ZNF519: variants seen among roughly 807,000 people sequenced by gnomAD.
ZNF519 encodes similar to Zinc finger protein 85 (Zinc finger protein HPF4) (HTF1).
Under a neutral mutation model 7.4 loss-of-function variants are expected in ZNF519, and 7 were observed. The observed-to-expected ratio is 0.94, with a 90% CI of 0.54 to 1.77. The LOEUF (loss-of-function observed/expected upper bound fraction) is 1.77. Ranked by LOEUF, ZNF519 falls within the 40% of genes most tolerant of loss-of-function variation. The probability of loss-of-function intolerance (pLI) is 0.00; values close to 1 mark genes in which losing one functional copy is unlikely to be tolerated. For missense variants in ZNF519, 586 were observed against 623.1 expected (o/e 0.94, Z 0.63); for synonymous variants, 179 against 203.3 (o/e 0.88, Z 1.02).
chr18:14,101,802 G>C lies in ZNF519; in HGVS notation c.*3115C>G, dbSNP rs1379174511. On this transcript the variant is annotated 3_prime_UTR_variant, in exon 3 of 3. Transcript: ENST00000590202. ...CAAAGACAAACCAGCAGTTAATCTTGCACGCAACAGAGCCCTGCTTGGCTG... is the reference window on the plus strand; with the variant it reads ...CAAAGACAAACCAGCAGTTAATCTTCCACGCAACAGAGCCCTGCTTGGCTG... 2 of 398,410 alleles carry C rather than the reference G, an allele frequency of 5.0e-6. No homozygotes were observed. The highest frequency in any genetic ancestry group is 4.4e-6 in the Non-Finnish European group (1 of 226,046). 24.7% of individuals were successfully genotyped at this position (398,410 alleles called of 1,614,324 possible). A position where few individuals can be genotyped will look rare whatever the true frequency, so the allele number is the denominator to read the frequency against.
rs200208712 is a variant in ZNF519 at position 14,094,416 on chromosome 18, T to G, written c.131-9340A>C. Among the ~76,000 whole-genome samples, 3 of 152,296 alleles carry G rather than the reference T, an allele frequency of 2.0e-5. No individual in the cohort carries two copies. The East Asian group carries it at 5.8e-4, about 29-fold the overall frequency. On this transcript the variant is annotated intron_variant and NMD_transcript_variant, in intron 2 of 4. Coordinates refer to the ZNF519 transcript ENST00000587419. ...TTTTCAGTATAACATTAGCATTGAG[T>G]GCTACATACGGCCTTTATTATGTTA...
At chr18:14,083,634 G>A (rs764773545) in intron 3 of ZNF519, among the ~76,000 whole-genome samples, 3 of 151,994 alleles carry the variant, frequency 2.0e-5, no homozygotes, top group Non-Finnish European at 4.4e-5. Context: ...ACAGGGCCAG[G>A]TGCAGAGGCT....
At chr18:14,123,705 G>C (rs1192477025) in intron 2 of ZNF519, among the ~76,000 whole-genome samples, 1 of 151,926 alleles carries the variant, frequency 6.6e-6, no homozygotes, top group Non-Finnish European at 1.5e-5. Flanking sequence ...GACAAAGCAA[G>C]ACTCCGTTTG....
In ZNF519 at chr18:14,124,365, T is replaced by A; in HGVS notation, c.115A>T (p.Asn39Tyr). Residue 39 changes from asparagine (N) to tyrosine (Y), a missense_variant, in exon 2 of 3, where the codon AAC (asparagine) becomes TAC (tyrosine). Transcript: ENST00000590202. The part of the protein sequence containing the change: ...YRDVMLENYR[N>Y]LVSLAVYSYY... ...TTATTCTCACCCAGGGAGACGAGGTTTCTGTAGTTCTCCAACATCACATCT... is the reference window on the plus strand; with the variant it reads ...TTATTCTCACCCAGGGAGACGAGGTATCTGTAGTTCTCCAACATCACATCT... The A allele has an allele frequency of 6.2e-7, 1 of 1,607,128 alleles. No homozygotes were observed. Among genetic ancestry groups the A allele is most frequent in the South Asian group, 1.1e-5 (1 of 89,480 alleles).
In ZNF519 at chr18:14,105,282, T is replaced by G; in HGVS notation, c.1258A>C (p.Thr420Pro). ...GKAFNRASHL[T>P]QHQRIHTGEK... ...CCAGTATGGATTCTCTGATGTTGAG[T>G]AAGGTGTGAAGCTCTGTTAAAAGCT... The change falls in exon 3 of 3, where the codon ACT becomes CCT. Residue 420 changes from threonine (T) to proline (P), a missense_variant. Thr to Pro is a conservative substitution (Grantham distance 38). Coordinates refer to ENST00000590202, the MANE Select transcript of ZNF519 (RefSeq NM_145287.4). 3 of 1,613,636 alleles carry G rather than the reference T, an allele frequency of 1.9e-6. No individual in the cohort carries two copies. Among genetic ancestry groups the G allele is most frequent in the Non-Finnish European group, 2.5e-6 (3 of 1,179,744 alleles).
chr18:14,094,849 T>G (rs576437063), intron 2 of ZNF519, among the ~76,000 whole-genome samples: 3 of 152,338 alleles, frequency 2.0e-5, no homozygotes, highest in African/African-American at 7.2e-5. Context: ...GATGCATTTT[T>G]ATTTTGTTCA....
In ZNF519 at chr18:14,079,772, T is replaced by C. The variant is rs545938305; in HGVS notation, c.*178-1474A>G. On this transcript the variant is annotated intron_variant and NMD_transcript_variant, in intron 3 of 4. Coordinates refer to the ZNF519 transcript ENST00000587419. ...ATGAACACAAAATAGATTACAAGTCTAAATGTAAAACACAAAACTCTAAAA... is the reference window on the plus strand; with the variant it reads ...ATGAACACAAAATAGATTACAAGTCCAAATGTAAAACACAAAACTCTAAAA... Among the ~76,000 whole-genome samples the C allele has an allele frequency of 5.3e-5, 8 of 152,276 alleles. No homozygotes were observed. In the East Asian group the frequency reaches 1.5e-3, roughly 29 times the overall value.
chr18:14,109,997 A>G (rs2046212504), intron 2 of ZNF519, among the ~76,000 whole-genome samples: 1 of 152,200 alleles, frequency 6.6e-6, no homozygotes, highest in African/African-American at 2.4e-5. Context: ...AGACACATAG[A>G]CCAATGAAGC....
At chr18:14,124,929 G>T (rs1170665307) in intron 1 of ZNF519, among the ~76,000 whole-genome samples, 1 of 152,146 alleles carries the variant, frequency 6.6e-6, no homozygotes, top group African/African-American at 2.4e-5. Flanking sequence ...CCTATTGAAA[G>T]ACTGCACTGA....
intron 2 of ZNF519, among the ~76,000 whole-genome samples, chr18:14,115,907 G>A (rs960620882): frequency 2.0e-5 from 3 of 152,142 alleles, no homozygotes; most frequent in Non-Finnish European, 4.4e-5. Flanking sequence ...TGGAGAAAAT[G>A]GGTAGTTGTT....
rs528387120 is a variant in ZNF519, at chr18:14,093,245, A to C, written c.131-8169T>G. Among the ~76,000 whole-genome samples, 42 of 152,260 alleles carry C rather than the reference A, an allele frequency of 2.8e-4. No homozygotes were observed. The South Asian group carries it at 7.3e-3, about 26-fold the overall frequency. ...CTCACTTACACTGACCAACCCTTTG[A>C]AAGTTTCTACTTTCCTGAGTCTACT... On this transcript the variant is annotated intron_variant and NMD_transcript_variant, in intron 2 of 4. Coordinates refer to the ZNF519 transcript ENST00000587419.
chr18:14,112,031 A>G (rs371594129), intron 2 of ZNF519, among the ~76,000 whole-genome samples: 1 of 152,192 alleles, frequency 6.6e-6, no homozygotes, highest in African/African-American at 2.4e-5. Context: ...GGCAAGTAAA[A>G]TTCAGCAACA....
intron 2 of ZNF519, among the ~76,000 whole-genome samples, chr18:14,108,736 T>C (rs139097904): frequency 1.3e-5 from 2 of 152,250 alleles, no homozygotes; most frequent in Admixed American, 6.5e-5. Context: ...GTAGTAGCTA[T>C]ACTTATATCA....
chr18:14,130,585 A>G (rs372554709), intron 1 of ZNF519, among the ~76,000 whole-genome samples: 1 of 149,182 alleles, frequency 6.7e-6, no homozygotes, highest in Non-Finnish European at 1.5e-5. Context: ...GGGACTTTCT[A>G]TCACCCCCAT....
intron 3 of ZNF519, among the ~76,000 whole-genome samples, chr18:14,083,884 G>A (rs186887324): frequency 6.6e-6 from 1 of 152,226 alleles, no homozygotes; most frequent in East Asian, 1.9e-4. Flanking sequence ...CATCCACTGG[G>A]AGCAGACAAT....
chr18:14,081,367 G>A (rs1163019894), intron 3 of ZNF519, among the ~76,000 whole-genome samples: 2 of 152,088 alleles, frequency 1.3e-5, no homozygotes, highest in African/African-American at 4.8e-5. Context: ...GCATATTTAG[G>A]AAGGTAAAAG....
intron 2 of ZNF519, among the ~76,000 whole-genome samples, chr18:14,123,492 G>C (rs1319514968): frequency 6.6e-6 from 1 of 152,162 alleles, no homozygotes; most frequent in Non-Finnish European, 1.5e-5. Flanking sequence ...GCCGAGGCAG[G>C]AGGACTGCCT....
At chr18:14,085,021 T>C (rs2046084538) in exon 3 of ZNF519, 1 of 152,152 alleles carries the variant, frequency 6.6e-6, no homozygotes, top group African/African-American at 2.4e-5. Context: ...TCATTCAGGC[T>C]GCACCATCCC....
chr18:14,098,333 T>C (rs1479840168), downstream of ZNF519, among the ~76,000 whole-genome samples: 3 of 152,054 alleles, frequency 2.0e-5, no homozygotes, highest in African/African-American at 7.3e-5. Flanking sequence ...CAAATTTTTG[T>C]ATTTTTAGTA....
Sources: allele counts gnomAD v4.1 joint callset (sites outside exome capture counted in the v4.1 genomes callset), GRCh38; gene constraint gnomAD v4.1.1; transcripts MANE v1.5; gene names NCBI Gene and HGNC (gene_info 2026-07-23, HGNC 2026-07-21).